FUT8: variants seen among roughly 807,000 people sequenced by gnomAD.
FUT8 encodes the protein fucosyltransferase 8.
A neutral mutation model predicts 71.3 loss-of-function variants in FUT8; 29 were observed. The ratio of observed to expected loss-of-function variants is 0.41; its 90% CI spans 0.30 to 0.55. The LOEUF is 0.55. Among genes scored for constraint, FUT8 ranks in the 20% least tolerant of loss-of-function variants. The pLI is 0.34. For synonymous variants in FUT8, 254 were observed against 239.3 expected (o/e 1.06, Z -0.57); for missense variants, 544 against 702.1 (o/e 0.77, Z 2.55).
At chr14:65,609,113 G>T in intron 3 of FUT8, among the ~76,000 whole-genome samples, 1 of 151,634 alleles carries the variant, frequency 6.6e-6, no homozygotes, top group East Asian at 1.9e-4. Flanking sequence ...TGGCCAACAT[G>T]GCAAAACCCC....
At chr14:65,587,382 A>G (rs750804804) in intron 3 of FUT8, among the ~76,000 whole-genome samples, 2 of 152,172 alleles carry the variant, frequency 1.3e-5, no homozygotes, top group African/African-American at 2.4e-5. Flanking sequence ...AAGCAGGCCA[A>G]TAGTCCAAGT....
Position 65,413,580 on chromosome 14 carries a change from C to G in FUT8, c.-326+366C>G, listed in dbSNP as rs183306047. The stretch of plus-strand genomic sequence containing the variant: ...GTGGGAGGTGTCCGTCGTTTCCCCT[C>G]CACACCTACCTTCCCTTCGTCAGCA... On this transcript the variant is annotated intron_variant, in intron 1 of 10. Transcript: ENST00000673929. This position sits in a 1 kb window ranked among gnomAD's most constrained non-coding sequence, Gnocchi z 4.1. Among the ~76,000 whole-genome samples, 4 of 152,320 alleles carry G rather than the reference C, an allele frequency of 2.6e-5. No individual in the cohort carries two copies. The East Asian group carries it at 7.7e-4, about 29-fold the overall frequency.
intron 2 of FUT8, among the ~76,000 whole-genome samples, chr14:65,522,757 GT>G (rs1055203960): frequency 1.2e-4 from 16 of 129,568 alleles, no homozygotes; most frequent in African/African-American, 4.9e-4. Flanking sequence ...GGTGTGTGAT[GT>G]TCCCCCTCCT....
intron 7 of FUT8, among the ~76,000 whole-genome samples, chr14:65,671,127 A>G (rs1026733290): frequency 2.0e-5 from 3 of 152,184 alleles, no homozygotes; most frequent in Non-Finnish European, 2.9e-5. Context: ...GTTCAGTTTA[A>G]ACTTCCTTGA....
chr14:65,526,041 G>T (rs1008632360), intron 2 of FUT8, among the ~76,000 whole-genome samples: 2 of 152,328 alleles, frequency 1.3e-5, no homozygotes, highest in Admixed American at 1.3e-4. Flanking sequence ...ATATTCTGTT[G>T]ATTTGGGGTG....
intron 1 of FUT8, among the ~76,000 whole-genome samples, chr14:65,443,956 A>C (rs1231935261): frequency 2.0e-5 from 3 of 152,164 alleles, no homozygotes; most frequent in Non-Finnish European, 4.4e-5. Flanking sequence ...GTTTTCAATA[A>C]GTTTTTACTA....
intron 7 of FUT8, among the ~76,000 whole-genome samples, chr14:65,711,908 C>T (rs1465072891): frequency 1.3e-5 from 2 of 152,102 alleles, no homozygotes; most frequent in African/African-American, 4.8e-5. Context: ...TATTATATTC[C>T]TAGATCATTT....
intron 3 of FUT8, among the ~76,000 whole-genome samples, chr14:65,614,634 C>T (rs937307233): frequency 1.3e-5 from 2 of 152,130 alleles, no homozygotes; most frequent in African/African-American, 4.8e-5. Flanking sequence ...AAATGTCTTC[C>T]TTGCTCATGG....
At chr14:65,565,742 T>C (rs986919285) in intron 3 of FUT8, among the ~76,000 whole-genome samples, 1 of 151,934 alleles carries the variant, frequency 6.6e-6, no homozygotes, top group African/African-American at 2.4e-5. Context: ...GGTTTCAATT[T>C]ATATTTCTGT....
At chr14:65,614,833 C>G (rs1889200146) in intron 3 of FUT8, among the ~76,000 whole-genome samples, 1 of 152,150 alleles carries the variant, frequency 6.6e-6, no homozygotes, top group South Asian at 2.1e-4. Flanking sequence ...TCACAGATTT[C>G]ATGATTAGGT....
Position 65,595,580 on chromosome 14 carries a change from G to A in FUT8, c.204-20398G>A, listed in dbSNP as rs147955619. Among the ~76,000 whole-genome samples the A allele has an allele frequency of 1.0e-3, 146 of 144,808 alleles. 1 individual carries two copies. The highest frequency in any genetic ancestry group is 3.5e-3 in the African/African-American group (139 of 39,766). The allele number at this position is 144,808 out of a possible 152,430, so 95.0% of individuals were successfully genotyped here. On this transcript the variant is annotated intron_variant, in intron 3 of 10. Transcript: ENST00000673929. ...TATATTCTTTATCAAATAACTTGACGATTTATCTTCTACACCATTCTCTTT... is the reference window on the plus strand; with the variant it reads ...TATATTCTTTATCAAATAACTTGACAATTTATCTTCTACACCATTCTCTTT...
chr14:65,600,864 T>A (rs1888255917), intron 3 of FUT8, among the ~76,000 whole-genome samples: 1 of 152,182 alleles, frequency 6.6e-6, no homozygotes, highest in Non-Finnish European at 1.5e-5. Flanking sequence ...TTCTCCAAAT[T>A]GCCTTCTTTT....
chr14:65,497,521 A>G (rs1224375582), intron 2 of FUT8, among the ~76,000 whole-genome samples: 1 of 152,138 alleles, frequency 6.6e-6, no homozygotes, highest in African/African-American at 2.4e-5. Flanking sequence ...CCCGATGATT[A>G]AAAAATGATT....
At chr14:65,632,122 C>T (rs963024967) in intron 6 of FUT8, among the ~76,000 whole-genome samples, 12 of 152,266 alleles carry the variant, frequency 7.9e-5, no homozygotes, top group Non-Finnish European at 1.3e-4. Flanking sequence ...TTTATTCACT[C>T]GTTGATTGAC....
At chr14:65,579,089 T>TTCTGA in intron 3 of FUT8, among the ~76,000 whole-genome samples, 2 of 152,120 alleles carry the variant, frequency 1.3e-5, no homozygotes, top group East Asian at 3.9e-4. Context: ...TTTTACTTAA[T>TTCTGA]AGCACTTCAG....
At chr14:65,553,028 T>A (rs1885377239) in intron 2 of FUT8, among the ~76,000 whole-genome samples, 1 of 152,112 alleles carries the variant, frequency 6.6e-6, no homozygotes. Context: ...TGATCACGGC[T>A]CTCTGCAGCC....
At position 65,721,970 on chromosome 14, in the gene FUT8, AAGAAAT is replaced by A; in HGVS notation, c.1036_1041del (p.Ile346_Glu347del). ...ATCCGCCCACAGCCTTGGCTAGAAA[AAGAAAT>A]AGAAGAAGCCACCAAGAAGCTTGGC... is the stretch of plus-strand genomic sequence containing the variant. On this transcript the variant is annotated inframe_deletion, in exon 8 of 11. Transcript: ENST00000673929. 6.2e-7 allele frequency: 1 copy of A among 1,614,240 alleles called. No individual in the cohort carries two copies. Among genetic ancestry groups the A allele is most frequent in the Non-Finnish European group, 8.5e-7 (1 of 1,180,046 alleles).
rs145462265 is a variant in FUT8, at chr14:65,612,696, ACT to A, written c.204-3277_204-3276del. On this transcript the variant is annotated intron_variant, in intron 3 of 10. Transcript: ENST00000673929. ...CCCCTCCATACACTGTGGTCTGGAA[ACT>A]CTCTGAATGCAGTAAGCTGGGACAG... Among the ~76,000 whole-genome samples the A allele has an allele frequency of 6.5e-3, 984 of 151,886 alleles. 15 individuals carry two copies. The highest frequency in any genetic ancestry group is 0.02 in the African/African-American group (844 of 41,406).
rs1282622671 is a variant in FUT8, at chr14:65,598,796, A to AT, written c.204-17174dup. Among the ~76,000 whole-genome samples, 6 of 151,724 alleles carry AT rather than the reference A, an allele frequency of 4.0e-5. No individual in the cohort carries two copies. The South Asian group carries it at 1.0e-3, about 26-fold the overall frequency. On this transcript the variant is annotated intron_variant, in intron 3 of 10. Coordinates refer to ENST00000673929, the MANE Select transcript of FUT8 (RefSeq NM_001371533.1). ...AATACTTTGATGGTTCTTGGAACAT[A>AT]TTTTTTTTCCCCTGAGGTCGAGTCT...
Sources: gnomAD v4.1 joint callset for allele counts (sites outside exome capture counted in the v4.1 genomes callset) on GRCh38, gnomAD v4.1.1 for gene constraint, Gnocchi (gnomAD v3.1) non-coding constraint, MANE v1.5 for transcripts, NCBI Gene and HGNC (gene_info 2026-07-23, HGNC 2026-07-21) for gene names.